The following PCDHB12 variants were observed in gnomAD, a reference collection of about 807,000 sequenced individuals.
The protein encoded by PCDHB12 is protocadherin beta-12.
For synonymous variants in PCDHB12, 560 were observed against 445.2 expected (o/e 1.26, Z -3.24); for missense variants, 1,192 against 998.2 (o/e 1.19, Z -2.62).
chr5:141,210,465 G>C lies in PCDHB12; in HGVS notation c.1558G>C (p.Asp520His). ...CCACCTGTTTGCCCTCAGGTCGCTG[G>C]ACTACGAGGCCCTGCAGGGGTTCCA... ...NGHLFALRSLDYEALQGFQFR... is the reference protein window; with the variant it reads ...NGHLFALRSLHYEALQGFQFR... The change falls in exon 1 of 1, where the codon GAC becomes CAC. Residue 520 changes from aspartate to histidine, a missense_variant. Asp to His is a moderately conservative substitution (Grantham distance 81, BLOSUM62 -1). Coordinates refer to ENST00000239450, the MANE Select transcript of PCDHB12 (RefSeq NM_018932.4). The C allele has an allele frequency of 6.2e-7, 1 of 1,612,896 alleles. No homozygotes were observed. The highest frequency in any genetic ancestry group is 8.5e-7 in the Non-Finnish European group (1 of 1,179,902).
At position 141,210,414 on chromosome 5, in the gene PCDHB12, C is replaced by A; in HGVS notation, c.1507C>A (p.Leu503Met). 1 of 1,613,146 alleles carries A rather than the reference C, an allele frequency of 6.2e-7. No homozygotes were observed. The highest frequency in any genetic ancestry group is 8.5e-7 in the Non-Finnish European group (1 of 1,179,998). Residue 503 changes from leucine (L) to methionine (M), a missense_variant, in exon 1 of 1, where the codon CTG becomes ATG. Transcript: ENST00000239450. ...GGACCCGCACCTGCCCCTCGCCTCC[C>A]TGGTCTCCATCAACGCGGACAACGG... is the stretch of plus-strand genomic sequence containing the variant. ...SQDPHLPLAS[L>M]VSINADNGHL...
At position 141,210,908 on chromosome 5, in the gene PCDHB12, C is replaced by T. The variant is rs782740248; in HGVS notation, c.2001C>T (p.Ser667=). Residue 667 remains serine, a synonymous_variant, in exon 1 of 1, where the codon TCC becomes TCT. Transcript: ENST00000239450. ...ACGTGCTCCTGGTGGACGGCTTCTC[C>T]CAGCCCTACCTGCCTCTCCCGGAGG... ...TLHVLLVDGF[S]QPYLPLPEAA... 5.0e-5 allele frequency: 80 copies of T among 1,609,336 alleles called. 1 individual carries two copies. In the South Asian group the frequency reaches 7.7e-4, roughly 15 times the overall value.
rs1554287190 is a variant in PCDHB12 at position 141,211,268 on chromosome 5, C to G, written c.2361C>G (p.Pro787=). ...QSTGSEVEEN[P]PFQNNLGF is the part of the protein sequence containing the mutation. Reference sequence around the variant, plus strand: ...CAGGTAGTGAAGTCGAAGAAAATCCCCCATTTCAGAATAATTTGGGTTTCT... The same window carrying G: ...CAGGTAGTGAAGTCGAAGAAAATCCGCCATTTCAGAATAATTTGGGTTTCT... The change falls in exon 1 of 1, where the codon CCC becomes CCG. Residue 787 remains proline, a synonymous_variant. Transcript: ENST00000239450. 2 of 1,597,180 alleles carry G rather than the reference C, an allele frequency of 1.3e-6. No individual in the cohort carries two copies. The highest frequency in any genetic ancestry group is 1.7e-6 in the Non-Finnish European group (2 of 1,174,136).
In PCDHB12 at chr5:141,210,262, C is replaced by T. The variant is rs139627902; in HGVS notation, c.1355C>T (p.Thr452Ile). The T allele has an allele frequency of 6.2e-7, 1 of 1,614,130 alleles. No individual in the cohort carries two copies. Among genetic ancestry groups the T allele is most frequent in the African/African-American group, 1.3e-5 (1 of 75,054 alleles). Residue 452 changes from threonine (T) to isoleucine (I), a missense_variant, in exon 1 of 1, where the codon ACC becomes ATC. Thr to Ile is a moderately conservative substitution (Grantham distance 89, BLOSUM62 -1). Coordinates refer to ENST00000239450, the MANE Select transcript of PCDHB12 (RefSeq NM_018932.4). ...SDVNDNAPAFTQTSYALFVRE... is the reference protein window; with the variant it reads ...SDVNDNAPAFIQTSYALFVRE... ...GTCAATGACAACGCCCCCGCCTTCA[C>T]CCAAACTTCCTACGCCCTGTTCGTC...
rs376654999 is a variant in PCDHB12 at position 141,211,070 on chromosome 5, G to T, written c.2163G>T (p.Pro721=). The T allele has an allele frequency of 2.5e-6, 4 of 1,613,490 alleles. No individual in the cohort carries two copies. The highest frequency in any genetic ancestry group is 2.2e-5 in the South Asian group (2 of 91,064). ...VRLCRRSRAA[P]VGRCSVPEGP... The stretch of plus-strand genomic sequence containing the variant: ...TGTGCAGGAGGAGCAGGGCGGCCCC[G>T]GTCGGTCGCTGCTCGGTGCCTGAGG... The change falls in exon 1 of 1, where the codon CCG becomes CCT. Residue 721 remains proline, a synonymous_variant. Transcript: ENST00000239450.
rs1754376215 is a variant in PCDHB12 at position 141,209,390 on chromosome 5, T to C, written c.483T>C (p.Asp161=). The C allele has an allele frequency of 6.2e-7, 1 of 1,614,198 alleles. No individual in the cohort carries two copies. Among genetic ancestry groups the C allele is most frequent in the East Asian group, 2.2e-5 (1 of 44,882 alleles). ...TGCTTGAAAGTGCAAAGGATTTAGA[T>C]GTAGGAATCAATGCTGTAAAAAGCT... ...VFLLESAKDL[D]VGINAVKSYT... is the part of the protein sequence containing the mutation. The change falls in exon 1 of 1, where the codon GAT becomes GAC. Residue 161 remains aspartate (D), a synonymous_variant. Coordinates refer to ENST00000239450, the MANE Select transcript of PCDHB12 (RefSeq NM_018932.4).
In PCDHB12 at chr5:141,209,503, C is replaced by T; in HGVS notation, c.596C>T (p.Ala199Val). 6.2e-7 allele frequency: 1 copy of T among 1,614,186 alleles called. No homozygotes were observed. The highest frequency in any genetic ancestry group is 8.5e-7 in the Non-Finnish European group (1 of 1,180,044). ...RKYPELVLDK[A>V]LDYEERPELS... ...TACCCTGAGTTAGTTCTGGACAAGG[C>T]GCTGGATTATGAAGAGCGCCCGGAG... Residue 199 changes from alanine to valine, a missense_variant, in exon 1 of 1, where the codon GCG becomes GTG. By Grantham distance (64) the Ala-to-Val change is moderately conservative (BLOSUM62 0). Transcript: ENST00000239450.
rs371452944 is a variant in PCDHB12, at chr5:141,209,135, G to C, written c.228G>C (p.Gln76His). ...CTAATGATAACAAAGAGTGTTTGCA[G>C]CTGGACACAAACACTGGGGATTTGC... is the stretch of plus-strand genomic sequence containing the variant. ...VVSNDNKECL[Q>H]LDTNTGDLLL... The change falls in exon 1 of 1, where the codon CAG becomes CAC. Residue 76 changes from glutamine (Q) to histidine (H), a missense_variant. By Grantham distance (24) the Gln-to-His change is conservative. Transcript: ENST00000239450. 1.9e-6 allele frequency: 3 copies of C among 1,614,204 alleles called. No homozygotes were observed. Among genetic ancestry groups the C allele is most frequent in the Non-Finnish European group, 1.7e-6 (2 of 1,180,036 alleles).
Position 141,209,720 on chromosome 5 carries a change from T to A in PCDHB12, c.813T>A (p.Ser271=). 1 of 1,614,232 alleles carries A rather than the reference T, an allele frequency of 6.2e-7. No individual in the cohort carries two copies. Among genetic ancestry groups the A allele is most frequent in the Non-Finnish European group, 8.5e-7 (1 of 1,180,046 alleles). The change falls in exon 1 of 1, where the codon TCT becomes TCA. Residue 271 remains serine, a synonymous_variant. Coordinates refer to ENST00000239450, the MANE Select transcript of PCDHB12 (RefSeq NM_018932.4). ...CCGTCTCAGCCTGGGATTTAGACTC[T>A]GGAACAAACAGTGAACTATCCTATA... ...VVTVSAWDLD[S]GTNSELSYTF...
Position 141,210,804 on chromosome 5 carries a change from C to A in PCDHB12, c.1897C>A (p.Arg633Ser). 1.3e-6 allele frequency: 2 copies of A among 1,599,694 alleles called. No individual in the cohort carries two copies. Among genetic ancestry groups the A allele is most frequent in the Non-Finnish European group, 1.7e-6 (2 of 1,178,174 alleles). ...EVRTARLLSE[R>S]DAAKHRLVVL... ...GCGCACCGCCAGGCTGCTGAGCGAG[C>A]GCGACGCGGCCAAGCACAGGCTGGT... The change falls in exon 1 of 1, where the codon CGC (arginine) becomes AGC (serine). Residue 633 changes from arginine (R) to serine (S), a missense_variant. Physicochemically the swap from Arg to Ser is moderately radical, Grantham distance 110. Transcript: ENST00000239450.
In PCDHB12 at chr5:141,209,102, G is replaced by A. The variant is rs149897891; in HGVS notation, c.195G>A (p.Arg65=). The A allele has an allele frequency of 4.3e-6, 7 of 1,613,856 alleles. No homozygotes were observed. The highest frequency in any genetic ancestry group is 5.9e-6 in the Non-Finnish European group (7 of 1,179,818). ...EVSELSSRGA[R]VVSNDNKECL... ...GTGAGCTGTCTTCGCGGGGGGCTCG[G>A]GTGGTTTCTAATGATAACAAAGAGT... is the stretch of plus-strand genomic sequence containing the variant. Residue 65 remains arginine (R), a synonymous_variant, in exon 1 of 1, where the codon CGG becomes CGA. Transcript: ENST00000239450.
At position 141,210,935 on chromosome 5, in the gene PCDHB12, G is replaced by T. The variant is rs1554287084; in HGVS notation, c.2028G>T (p.Ala676=). 1.9e-6 allele frequency: 3 copies of T among 1,611,236 alleles called. No individual in the cohort carries two copies. Among genetic ancestry groups the T allele is most frequent in the East Asian group, 2.2e-5 (1 of 44,866 alleles). The part of the protein sequence containing the change: ...FSQPYLPLPE[A]APAQAQADSL... ...AGCCCTACCTGCCTCTCCCGGAGGC[G>T]GCCCCGGCCCAGGCCCAGGCCGACT... The change falls in exon 1 of 1, where the codon GCG becomes GCT. Residue 676 remains alanine (A), a synonymous_variant. Transcript: ENST00000239450.
Position 141,208,888 on chromosome 5 carries a change from G to GA in PCDHB12, c.-20_-19insA. 6.6e-7 allele frequency: 1 copy of GA among 1,513,072 alleles called. No homozygotes were observed. Among genetic ancestry groups the GA allele is most frequent in the Non-Finnish European group, 8.8e-7 (1 of 1,133,582 alleles). The allele number at this position is 1,513,072 out of a possible 1,614,324, so 93.7% of individuals were successfully genotyped here. A position where few individuals can be genotyped will look rare whatever the true frequency, so the allele number is the denominator to read the frequency against. On this transcript the variant is annotated 5_prime_UTR_variant, in exon 1 of 1. Coordinates refer to ENST00000239450, the MANE Select transcript of PCDHB12 (RefSeq NM_018932.4). ...TGAGGCAATTCTGCAAGAAGATTTT[G>GA]GGGTTTTGGAAAAGAAGCTATGGAA... is the stretch of plus-strand genomic sequence containing the variant.
rs201142572 is a variant in PCDHB12 at position 141,211,065 on chromosome 5, G to T, written c.2158G>T (p.Ala720Ser). The change falls in exon 1 of 1, where the codon GCC (alanine) becomes TCC (serine). Residue 720 changes from alanine to serine, a missense_variant. Ala to Ser is a moderately conservative substitution (Grantham distance 99). Coordinates refer to ENST00000239450, the MANE Select transcript of PCDHB12 (RefSeq NM_018932.4). The part of the protein sequence containing the change: ...AVRLCRRSRA[A>S]PVGRCSVPEG... Reference sequence around the variant, plus strand: ...GCGGCTGTGCAGGAGGAGCAGGGCGGCCCCGGTCGGTCGCTGCTCGGTGCC... The same window carrying T: ...GCGGCTGTGCAGGAGGAGCAGGGCGTCCCCGGTCGGTCGCTGCTCGGTGCC... 2 of 1,613,274 alleles carry T rather than the reference G, an allele frequency of 1.2e-6. No individual in the cohort carries two copies. The highest frequency in any genetic ancestry group is 2.7e-5 in the African/African-American group (2 of 75,028).
rs782166363 is a variant in PCDHB12 at position 141,210,897 on chromosome 5, G to A, written c.1990G>A (p.Asp664Asn). 11 of 1,608,368 alleles carry A rather than the reference G, an allele frequency of 6.8e-6. No homozygotes were observed. The highest frequency in any genetic ancestry group is 3.3e-5 in the Admixed American group (2 of 59,996). Residue 664 changes from aspartate to asparagine, a missense_variant, in exon 1 of 1, where the codon GAC becomes AAC. Coordinates refer to ENST00000239450, the MANE Select transcript of PCDHB12 (RefSeq NM_018932.4). ...ATATLHVLLV[D>N]GFSQPYLPLP... ...CGCCACGCTGCACGTGCTCCTGGTG[G>A]ACGGCTTCTCCCAGCCCTACCTGCC...
rs1212025365 is a variant in PCDHB12 at position 141,211,119 on chromosome 5, G to T, written c.2212G>T (p.Asp738Tyr). The change falls in exon 1 of 1, where the codon GAC becomes TAC. Residue 738 changes from aspartate to tyrosine, a missense_variant. Asp to Tyr is a radical substitution (Grantham distance 160). Coordinates refer to ENST00000239450, the MANE Select transcript of PCDHB12 (RefSeq NM_018932.4). Reference protein sequence around the residue: ...PEGPFPGHLVDVSGTGTLSQS... With the variant: ...PEGPFPGHLVYVSGTGTLSQS... ...GGGCCCCTTTCCAGGACATCTGGTGGACGTGAGTGGCACCGGGACCCTGTC... is the reference window on the plus strand; with the variant it reads ...GGGCCCCTTTCCAGGACATCTGGTGTACGTGAGTGGCACCGGGACCCTGTC... 1 of 1,614,050 alleles carries T rather than the reference G, an allele frequency of 6.2e-7. No homozygotes were observed. Among genetic ancestry groups the T allele is most frequent in the Non-Finnish European group, 8.5e-7 (1 of 1,180,044 alleles).
rs782527266 is a variant in PCDHB12 at position 141,210,374 on chromosome 5, G to T, written c.1467G>T (p.Ser489=). The T allele has an allele frequency of 1.2e-6, 2 of 1,612,978 alleles. No homozygotes were observed. Among genetic ancestry groups the T allele is most frequent in the Non-Finnish European group, 1.7e-6 (2 of 1,180,034 alleles). Residue 489 remains serine (S), a synonymous_variant, in exon 1 of 1, where the codon TCG becomes TCT. Coordinates refer to ENST00000239450, the MANE Select transcript of PCDHB12 (RefSeq NM_018932.4). ...GCACCAACGCCCAGGTCAACTACTC[G>T]CTGCTGCCGTCCCAGGACCCGCACC... is the stretch of plus-strand genomic sequence containing the variant. The part of the protein sequence containing the change: ...DSGTNAQVNY[S]LLPSQDPHLP...
chr5:141,211,155 C>T lies in PCDHB12; in HGVS notation c.2248C>T (p.His750Tyr). 1.2e-6 allele frequency: 2 copies of T among 1,614,178 alleles called. No individual in the cohort carries two copies. Among genetic ancestry groups the T allele is most frequent in the Non-Finnish European group, 1.7e-6 (2 of 1,180,036 alleles). Reference protein sequence around the residue: ...SGTGTLSQSYHYEVCVTGGSR... With the variant: ...SGTGTLSQSYYYEVCVTGGSR... ...CACCGGGACCCTGTCCCAGAGCTAC[C>T]ACTATGAGGTGTGTGTGACTGGAGG... Residue 750 changes from histidine to tyrosine, a missense_variant, in exon 1 of 1, where the codon CAC becomes TAC. By Grantham distance (83) the His-to-Tyr change is moderately conservative. Transcript: ENST00000239450.
In PCDHB12 at chr5:141,209,883, G is replaced by C; in HGVS notation, c.976G>C (p.Gly326Arg). The change falls in exon 1 of 1, where the codon GGA (glycine) becomes CGA (arginine). Residue 326 changes from glycine to arginine, a missense_variant. Transcript: ENST00000239450. ...SIIIQATDGG[G>R]LFGKSTVRIQ... ...AATCATTCAAGCCACAGATGGGGGA[G>C]GACTTTTTGGAAAATCTACAGTCAG... 1 of 1,614,194 alleles carries C rather than the reference G, an allele frequency of 6.2e-7. No individual in the cohort carries two copies. The highest frequency in any genetic ancestry group is 8.5e-7 in the Non-Finnish European group (1 of 1,180,036).
Sources: allele counts gnomAD v4.1 joint callset, GRCh38; gene constraint gnomAD v4.1.1; transcripts MANE v1.5; gene names NCBI Gene and HGNC (gene_info 2026-07-23, HGNC 2026-07-21).